Variants in KCNK13 observed in about 807,000 individuals in gnomAD.
KCNK13 encodes potassium two pore domain channel subfamily K member 13, also known as potassium channel subfamily K member 13.
A neutral mutation model predicts 23.4 loss-of-function variants in KCNK13; 12 were observed. The observed-to-expected ratio is 0.51, with a 90% CI of 0.33 to 0.83. The LOEUF (loss-of-function observed/expected upper bound fraction) is 0.83. Ranked by LOEUF, KCNK13 falls within the 40% of genes least tolerant of loss-of-function variation. KCNK13 has a pLI of 0.02. For missense variants in KCNK13, 463 were observed against 556.3 expected (o/e 0.83, Z 1.69); for synonymous variants, 231 against 229.5 (o/e 1.01, Z -0.06).
chr14:90,093,182 T>C (rs1889369505), intron 1 of KCNK13, among the ~76,000 whole-genome samples: 1 of 152,104 alleles, frequency 6.6e-6, no homozygotes, highest in Non-Finnish European at 1.5e-5. Context: ...AATTTGCTCC[T>C]CACTGCACAG....
intron 1 of KCNK13, among the ~76,000 whole-genome samples, chr14:90,066,774 G>A (rs1889014662): frequency 6.6e-6 from 1 of 151,990 alleles, no homozygotes; most frequent in Non-Finnish European, 1.5e-5. Context: ...GTTAAACATA[G>A]AACTACTTTA....
intron 1 of KCNK13, among the ~76,000 whole-genome samples, chr14:90,078,080 T>A (rs1889161271): frequency 6.6e-6 from 1 of 152,174 alleles, no homozygotes; most frequent in Non-Finnish European, 1.5e-5. Flanking sequence ...TGAGAGGACT[T>A]AGTTTCTTTA....
In KCNK13 at chr14:90,109,714, A is replaced by ATT. The variant is rs78666512; in HGVS notation, c.334+47187_334+47188dup. Among the ~76,000 whole-genome samples the ATT allele has an allele frequency of 6.9e-3, 787 of 114,688 alleles. 7 individuals carry two copies. The highest frequency in any genetic ancestry group is 0.023 in the African/African-American group (708 of 31,346). The allele number at this position is 114,688 out of a possible 152,430, so 75.2% of individuals were successfully genotyped here. A position where few individuals can be genotyped will look rare whatever the true frequency, so the allele number is the denominator to read the frequency against. On this transcript the variant is annotated intron_variant, in intron 1 of 1. Coordinates refer to ENST00000282146, the MANE Select transcript of KCNK13 (RefSeq NM_022054.4). ...CATGAGCCATGGTGCCTGGCCCTTTATTTTTTTTTTTTTGAGAAAGGACTT... is the reference window on the plus strand; with the variant it reads ...CATGAGCCATGGTGCCTGGCCCTTTATTTTTTTTTTTTTTTGAGAAAGGACTT...
At chr14:90,103,159 C>A (rs1889501701) in intron 1 of KCNK13, among the ~76,000 whole-genome samples, 1 of 152,134 alleles carries the variant, frequency 6.6e-6, no homozygotes, top group Non-Finnish European at 1.5e-5. Flanking sequence ...ATGTATAATA[C>A]CACATTGTCT....
intron 1 of KCNK13, among the ~76,000 whole-genome samples, chr14:90,136,201 C>A (rs778363811): frequency 1.3e-5 from 2 of 152,156 alleles, no homozygotes; most frequent in Non-Finnish European, 2.9e-5. Flanking sequence ...ATTGAGCTCA[C>A]ATTTCATGCC....
chr14:90,173,052 G>A (rs763986619), intron 1 of KCNK13, among the ~76,000 whole-genome samples: 28 of 152,112 alleles, frequency 1.8e-4, no homozygotes, highest in Non-Finnish European at 3.7e-4. Context: ...AAGAGAAATG[G>A]CCAAAATAAG....
intron 1 of KCNK13, among the ~76,000 whole-genome samples, chr14:90,074,030 G>T (rs1189577450): frequency 1.3e-5 from 2 of 151,778 alleles, no homozygotes; most frequent in Non-Finnish European, 2.9e-5. Context: ...GTGCAGTGAC[G>T]CGATCTTGGC....
At chr14:90,123,120 A>G (rs1361416122) in intron 1 of KCNK13, among the ~76,000 whole-genome samples, 1 of 152,206 alleles carries the variant, frequency 6.6e-6, no homozygotes, top group East Asian at 1.9e-4. Flanking sequence ...AAGGTGAGAA[A>G]GCAAGTCCCA....
At chr14:90,142,764 GACGGAT>G (rs1249218748) in intron 1 of KCNK13, among the ~76,000 whole-genome samples, 3 of 152,228 alleles carry the variant, frequency 2.0e-5, no homozygotes, top group Non-Finnish European at 4.4e-5. Flanking sequence ...GCTGACAAAA[GACGGAT>G]TAAACAAACA....
At chr14:90,141,995 G>T (rs566421216) in intron 1 of KCNK13, among the ~76,000 whole-genome samples, 3 of 151,026 alleles carry the variant, frequency 2.0e-5, no homozygotes, top group African/African-American at 7.3e-5. Flanking sequence ...CACTGTGTTA[G>T]CCAGGATGGT....
intron 1 of KCNK13, among the ~76,000 whole-genome samples, chr14:90,078,002 C>A (rs923793865): frequency 6.6e-6 from 1 of 152,196 alleles, no homozygotes; most frequent in East Asian, 1.9e-4. Flanking sequence ...ATCCTTTTGG[C>A]TCCAGATGTT....
intron 1 of KCNK13, among the ~76,000 whole-genome samples, chr14:90,136,793 G>GC (rs1889941848): frequency 6.6e-6 from 1 of 152,042 alleles, no homozygotes; most frequent in Non-Finnish European, 1.5e-5. Context: ...CATTCCTCCC[G>GC]CCCCTCATTC....
At position 90,068,519 on chromosome 14, in the gene KCNK13, G is replaced by A. The variant is rs1469053823; in HGVS notation, c.334+5980G>A. On this transcript the variant is annotated intron_variant, in intron 1 of 1. Transcript: ENST00000282146. ...GGGCTGAGGTAGGAGGATCACTTGA[G>A]CCCAGGAGATTGAGGTTGAGGCTGC... Among the ~76,000 whole-genome samples the A allele has an allele frequency of 3.3e-5, 5 of 152,188 alleles. No individual in the cohort carries two copies. The East Asian group carries it at 7.7e-4, about 24-fold the overall frequency.
chr14:90,125,599 G>T (rs201315661), intron 1 of KCNK13, among the ~76,000 whole-genome samples: 1 of 64,586 alleles, frequency 1.5e-5, no homozygotes, highest in South Asian at 5.0e-4. Context: ...ACACACACAC[G>T]CACACACACA....
chr14:90,089,693 G>A (rs1263790208), intron 1 of KCNK13, among the ~76,000 whole-genome samples: 4 of 152,188 alleles, frequency 2.6e-5, no homozygotes, highest in Admixed American at 1.3e-4. Context: ...TCACAGGCCC[G>A]GAGGCCTAGG....
intron 1 of KCNK13, among the ~76,000 whole-genome samples, chr14:90,075,163 T>C (rs1889120461): frequency 6.6e-6 from 1 of 152,240 alleles, no homozygotes; most frequent in Admixed American, 6.5e-5. Flanking sequence ...TTTATTATGA[T>C]GGCTTAGATG....
At chr14:90,110,560 A>G (rs1170425066) in intron 1 of KCNK13, among the ~76,000 whole-genome samples, 1 of 151,812 alleles carries the variant, frequency 6.6e-6, no homozygotes, top group East Asian at 1.9e-4. Context: ...TGATGCCACT[A>G]CTGCTAGTCT....
intron 1 of KCNK13, among the ~76,000 whole-genome samples, chr14:90,082,184 C>T (rs1889220956): frequency 1.3e-5 from 2 of 152,150 alleles, no homozygotes; most frequent in African/African-American, 2.4e-5. Flanking sequence ...GCCTCAGCCT[C>T]CCCAGTAGCT....
chr14:90,139,651 CAAGAA>C (rs1180828539), intron 1 of KCNK13, among the ~76,000 whole-genome samples: 29 of 152,048 alleles, frequency 1.9e-4, no homozygotes, highest in Non-Finnish European at 2.8e-4. Context: ...TGTACGTGAG[CAAGAA>C]AAGAAGCAGA....
Sources: allele counts gnomAD v4.1 joint callset (sites outside exome capture counted in the v4.1 genomes callset), GRCh38; gene constraint gnomAD v4.1.1; transcripts MANE v1.5; gene names NCBI Gene and HGNC (gene_info 2026-07-23, HGNC 2026-07-21).